The following PRKAR1A variants were observed in gnomAD, a reference collection of about 807,000 sequenced individuals.
PRKAR1A encodes cAMP-dependent protein kinase type I-alpha regulatory subunit.
A neutral mutation model predicts 52.0 loss-of-function variants in PRKAR1A; 3 were observed. The observed-to-expected ratio is 0.06, with a 90% CI of 0.03 to 0.15. The LOEUF (loss-of-function observed/expected upper bound fraction) is 0.15, where lower values mean the gene tolerates loss of function less well. Ranked by LOEUF, PRKAR1A falls within the 10% of genes least tolerant of loss-of-function variation. The pLI is 1.00. For missense variants in PRKAR1A, 240 were observed against 477.4 expected (o/e 0.50, Z 4.63); for synonymous variants, 188 against 168.4 (o/e 1.12, Z -0.90).
At chr17:68,513,262 A>G (rs1284727967) in intron 1 of PRKAR1A, 1 of 152,200 alleles carries the variant, frequency 6.6e-6, no homozygotes, top group East Asian at 1.9e-4. Context: ...CTTCTTCTAG[A>G]AAATACACGG....
the PRKAR1A span, among the ~76,000 whole-genome samples, chr17:68,483,874 AG>A: frequency 6.6e-6 from 1 of 151,746 alleles, no homozygotes; most frequent in Non-Finnish European, 1.5e-5. Flanking sequence ...AAAAAAAAAA[AG>A]AAAGAAAAGA....
the PRKAR1A span, among the ~76,000 whole-genome samples, chr17:68,435,949 C>T: frequency 6.6e-6 from 1 of 152,244 alleles, no homozygotes; most frequent in African/African-American, 2.4e-5. Flanking sequence ...TGGCCACGAA[C>T]GGAGCACCTG....
chr17:68,415,472 T>A, the PRKAR1A span, among the ~76,000 whole-genome samples: 1 of 152,220 alleles, frequency 6.6e-6, no homozygotes, highest in Non-Finnish European at 1.5e-5. Flanking sequence ...TTCCATGCAC[T>A]ACTGAATAGA....
At chr17:68,477,104 A>T in the PRKAR1A span, among the ~76,000 whole-genome samples, 1 of 152,230 alleles carries the variant, frequency 6.6e-6, no homozygotes, top group Admixed American at 6.5e-5. Flanking sequence ...GAAGTCCCAA[A>T]CACTCTCTTC....
At chr17:68,500,022 A>G in the PRKAR1A span, among the ~76,000 whole-genome samples, 1 of 152,262 alleles carries the variant, frequency 6.6e-6, no homozygotes, top group Non-Finnish European at 1.5e-5. Context: ...TATGGGACAT[A>G]TATCAGCCAG....
In PRKAR1A at chr17:68,532,140, A is replaced by T; in HGVS notation, c.*1691A>T. ...CTTGTTACAAATTTTTTAATTTCCA[A>T]AATAATCTATATTAAATGAGGGTTT... is the stretch of plus-strand genomic sequence containing the variant. On this transcript the variant is annotated 3_prime_UTR_variant, in exon 11 of 11. Transcript: ENST00000589228. The T allele has an allele frequency of 9.5e-7, 1 of 1,056,652 alleles. No homozygotes were observed. The highest frequency in any genetic ancestry group is 1.1e-6 in the Non-Finnish European group (1 of 871,236). 65.5% of individuals were successfully genotyped at this position (1,056,652 alleles called of 1,614,324 possible).
the PRKAR1A span, among the ~76,000 whole-genome samples, chr17:68,463,264 CA>C: frequency 6.6e-6 from 1 of 152,248 alleles, no homozygotes; most frequent in East Asian, 1.9e-4. Context: ...CCTAAAGCCC[CA>C]AAAGAAAGTC....
At chr17:68,465,625 A>ACTTTTTTTTTT in the PRKAR1A span, among the ~76,000 whole-genome samples, 2 of 67,186 alleles carry the variant, frequency 3.0e-5, no homozygotes, top group Non-Finnish European at 5.5e-5. Context: ...ACGCCCAGCA[A>ACTTTTTTTTTT]TTTTTTTTTT....
chr17:68,542,240 C>G lies in PRKAR1A; in HGVS notation c.974-8844C>G, dbSNP rs1568723338. 4.0e-6 allele frequency: 6 copies of G among 1,516,978 alleles called. No homozygotes were observed. In the Admixed American group the frequency reaches 8.8e-5, roughly 22 times the overall value. The allele number at this position is 1,516,978 out of a possible 1,614,324, so 94.0% of individuals were successfully genotyped here. A position where few individuals can be genotyped will look rare whatever the true frequency, so the allele number is the denominator to read the frequency against. ...ATGACATCTTCCTGGCCTAGGAAAT[C>G]CACTGGGAGGGAAGGGAAACCCTGA... On this transcript the variant is annotated intron_variant, in intron 11 of 11. Coordinates refer to the PRKAR1A transcript ENST00000585981.
chr17:68,423,117 T>C, the PRKAR1A span, among the ~76,000 whole-genome samples: 1 of 152,176 alleles, frequency 6.6e-6, no homozygotes, highest in Non-Finnish European at 1.5e-5. This position sits in a 1 kb window ranked among gnomAD's most constrained non-coding sequence, Gnocchi z 4.4. Context: ...AGAGAGGCGA[T>C]TTTAACCAAG....
chr17:68,542,807 A>AT, intron 11 of PRKAR1A: 1 of 1,611,238 alleles, frequency 6.2e-7, no homozygotes, highest in Non-Finnish European at 8.5e-7. Context: ...GAAGTCCAGA[A>AT]TCCTGCAAGA....
the PRKAR1A span, among the ~76,000 whole-genome samples, chr17:68,431,552 T>A: frequency 3.3e-5 from 5 of 152,102 alleles, no homozygotes; most frequent in African/African-American, 4.8e-5. Flanking sequence ...GGAGGAGGTG[T>A]CATGTTCAAA....
At chr17:68,418,860 T>C in the PRKAR1A span, among the ~76,000 whole-genome samples, 2 of 152,188 alleles carry the variant, frequency 1.3e-5, no homozygotes, top group African/African-American at 4.8e-5. Flanking sequence ...AGTTTCTATC[T>C]CATTAATGTT....
the PRKAR1A span, among the ~76,000 whole-genome samples, chr17:68,467,330 A>G: frequency 6.6e-6 from 1 of 152,226 alleles, no homozygotes; most frequent in Non-Finnish European, 1.5e-5. Flanking sequence ...TTTTTGAGGA[A>G]CTGCAAAACT....
At chr17:68,464,440 G>A in the PRKAR1A span, among the ~76,000 whole-genome samples, 1 of 152,112 alleles carries the variant, frequency 6.6e-6, no homozygotes. Context: ...TAATAAAACT[G>A]ACATTGCCGA....
At chr17:68,458,040 G>A in the PRKAR1A span, among the ~76,000 whole-genome samples, 1 of 151,004 alleles carries the variant, frequency 6.6e-6, no homozygotes, top group East Asian at 2.0e-4. Context: ...TAAACTTACA[G>A]AGTTTAGCAG....
chr17:68,525,589 C>T (rs1000277187), intron 6 of PRKAR1A, among the ~76,000 whole-genome samples, 165 bp from the exon 7 acceptor site: 3 of 152,200 alleles, frequency 2.0e-5, no homozygotes, highest in South Asian at 2.1e-4. Flanking sequence ...TCATTTAACT[C>T]GTCAGAAATC....
chr17:68,454,928 G>T, the PRKAR1A span, among the ~76,000 whole-genome samples: 1 of 152,064 alleles, frequency 6.6e-6, no homozygotes, highest in African/African-American at 2.4e-5. Flanking sequence ...TTGATCAATG[G>T]CCACAAAAGA....
In PRKAR1A at chr17:68,522,896, G is replaced by A. The variant is rs113994213; in HGVS notation, c.318G>A (p.Thr106=). Residue 106 remains threonine, a synonymous_variant, in exon 3 of 11, where the codon ACG becomes ACA. Coordinates refer to ENST00000589228, the MANE Select transcript of PRKAR1A (RefSeq NM_002734.5). ...RRGAISAEVY[T]EEDAASYVRK... Reference sequence around the variant, plus strand: ...GTGCTATCAGCGCTGAGGTCTACACGGAGGAAGATGCGGCATCCTATGTTA... The same window carrying A: ...GTGCTATCAGCGCTGAGGTCTACACAGAGGAAGATGCGGCATCCTATGTTA... The A allele has an allele frequency of 2.2e-5, 36 of 1,613,904 alleles. No homozygotes were observed. Among genetic ancestry groups the A allele is most frequent in the Middle Eastern group, 1.7e-4 (1 of 6,054 alleles).
Sources: allele counts gnomAD v4.1 joint callset (sites outside exome capture counted in the v4.1 genomes callset), GRCh38; gene constraint gnomAD v4.1.1; non-coding constraint Gnocchi (gnomAD v3.1); transcripts MANE v1.5; gene names NCBI Gene and HGNC (gene_info 2026-07-23, HGNC 2026-07-21).